The following KDM2B variants were observed in gnomAD, a reference collection of about 807,000 sequenced individuals.
The protein encoded by KDM2B is lysine-specific demethylase 2B.
KDM2B carries 26 observed loss-of-function variants against 150.0 expected under a neutral mutation model. The observed-to-expected ratio is 0.17, with a 90% CI of 0.13 to 0.24. KDM2B has a LOEUF of 0.24. KDM2B is among the 10% of genes least tolerant of loss of function. The probability of loss-of-function intolerance (pLI) is 1.00; values close to 1 mark genes in which losing one functional copy is unlikely to be tolerated. For synonymous variants in KDM2B, 734 were observed against 729.5 expected (o/e 1.01, Z -0.10); for missense variants, 1,265 against 1,816.9 (o/e 0.70, Z 5.52).
intron 12 of KDM2B, among the ~76,000 whole-genome samples, chr12:121,459,486 T>G (rs996035077): frequency 6.6e-6 from 1 of 151,870 alleles, no homozygotes; most frequent in Non-Finnish European, 1.5e-5. Flanking sequence ...TTCTCTGATA[T>G]GACACCAAAA....
At chr12:121,433,352 A>G (rs1436637491) in intron 22 of KDM2B, 1 of 381,320 alleles carries the variant, frequency 2.6e-6, no homozygotes. Context: ...GTGGAGGAAC[A>G]TCACTTTTGT....
Position 121,549,673 on chromosome 12 carries a change from C to A in KDM2B, c.398-35G>T. 2 of 1,519,818 alleles carry A rather than the reference C, an allele frequency of 1.3e-6. No individual in the cohort carries two copies. The highest frequency in any genetic ancestry group is 1.3e-5 in the South Asian group (1 of 77,758). 94.1% of individuals were successfully genotyped at this position (1,519,818 alleles called of 1,614,324 possible). On this transcript the variant is annotated intron_variant, in intron 4 of 22. Transcript: ENST00000377071. This position sits in a 1 kb window ranked among gnomAD's most constrained non-coding sequence, Gnocchi z 4.4. ...GAAGCCACACACTGGTTGTTCCTGC[C>A]GGCTTAAGGCTCCAGATCCTACATG...
chr12:121,440,564 G>A (rs1167407786), intron 21 of KDM2B: 9 of 489,300 alleles, frequency 1.8e-5, no homozygotes, highest in South Asian at 5.6e-5. Flanking sequence ...TGAGACACAC[G>A]CAGAGCCCCA....
chr12:121,517,535 C>T (rs936222509), intron 9 of KDM2B, among the ~76,000 whole-genome samples: 3 of 150,814 alleles, frequency 2.0e-5, no homozygotes, highest in African/African-American at 7.3e-5. Flanking sequence ...GTGGCTCAAT[C>T]TAAGCACACT....
At chr12:121,536,796 T>C (rs1888148146) in intron 6 of KDM2B, among the ~76,000 whole-genome samples, 1 of 152,104 alleles carries the variant, frequency 6.6e-6, no homozygotes, top group African/African-American at 2.4e-5. Flanking sequence ...TGTCGACAGC[T>C]GGAAGCCCGC....
chr12:121,483,826 C>T (rs1882439458), intron 12 of KDM2B, among the ~76,000 whole-genome samples: 1 of 152,038 alleles, frequency 6.6e-6, no homozygotes, highest in African/African-American at 2.4e-5. Flanking sequence ...AATCGGATGG[C>T]ACCAAGGCCC....
chr12:121,575,363 C>T lies in KDM2B; in HGVS notation c.350+418G>A, dbSNP rs1171634087. The stretch of plus-strand genomic sequence containing the variant: ...CAAAGAAAGGGGAGACATTGGCACC[C>T]CAGGAATCTGCATAAGAAACATGTA... On this transcript the variant is annotated intron_variant, in intron 3 of 22. Coordinates refer to ENST00000377071, the MANE Select transcript of KDM2B (RefSeq NM_032590.5). The surrounding 1 kb of genome is among the most constrained non-coding windows in gnomAD (Gnocchi z 4.4). Among the ~76,000 whole-genome samples the T allele has an allele frequency of 6.6e-6, 1 of 152,172 alleles. No homozygotes were observed. The highest frequency in any genetic ancestry group is 6.5e-5 in the Admixed American group (1 of 15,282).
At chr12:121,493,059 C>CTT (rs61628112) in intron 12 of KDM2B, among the ~76,000 whole-genome samples, 1,492 of 54,072 alleles carry the variant, frequency 0.028, 501 homozygotes, top group African/African-American at 0.16. Context: ...TCATGCCTGG[C>CTT]TTTTTTTTTT....
chr12:121,485,996 C>T (rs962976847), intron 12 of KDM2B, among the ~76,000 whole-genome samples: 5 of 151,894 alleles, frequency 3.3e-5, no homozygotes, highest in Non-Finnish European at 7.4e-5. Context: ...AGGCTGATCT[C>T]GAACTCCTGA....
chr12:121,428,725 T>A (rs1157801613), downstream of KDM2B, among the ~76,000 whole-genome samples: 1 of 152,228 alleles, frequency 6.6e-6, no homozygotes, highest in Non-Finnish European at 1.5e-5. Flanking sequence ...TACTTCTCAC[T>A]GGTTTCTGCA....
In KDM2B at chr12:121,513,727, T is replaced by C. The variant is rs1310960918; in HGVS notation, c.1048-325A>G. Among the ~76,000 whole-genome samples, 4 of 152,044 alleles carry C rather than the reference T, an allele frequency of 2.6e-5. No individual in the cohort carries two copies. The highest frequency in any genetic ancestry group is 4.4e-5 in the Non-Finnish European group (3 of 67,990). Reference sequence around the variant, plus strand: ...TCCCCTGACCTGCCTGCAGAGAGTGTGGGCACCTGCAGGTGGGAGCCGCTG... The same window carrying C: ...TCCCCTGACCTGCCTGCAGAGAGTGCGGGCACCTGCAGGTGGGAGCCGCTG... On this transcript the variant is annotated intron_variant, in intron 9 of 22. Coordinates refer to ENST00000377071, the MANE Select transcript of KDM2B (RefSeq NM_032590.5). The surrounding 1 kb of genome is among the most constrained non-coding windows in gnomAD (Gnocchi z 5.0).
intron 12 of KDM2B, among the ~76,000 whole-genome samples, chr12:121,463,491 C>G (rs1879399578): frequency 6.6e-6 from 1 of 152,174 alleles, no homozygotes; most frequent in Non-Finnish European, 1.5e-5. Context: ...TAATTGGTAA[C>G]AATGGTTCTA....
chr12:121,442,142 C>G lies in KDM2B; in HGVS notation c.3284+15G>C, dbSNP rs74913419. 6.2e-7 allele frequency: 1 copy of G among 1,612,216 alleles called. No individual in the cohort carries two copies. Among genetic ancestry groups the G allele is most frequent in the East Asian group, 2.2e-5 (1 of 44,872 alleles). The stretch of plus-strand genomic sequence containing the variant: ...CTGAGCCTTAACCTAGAGCCCTACA[C>G]AGGCCGCCGCTCACCAGCGGTTCCA... On this transcript the variant is annotated intron_variant, in intron 19 of 22. Coordinates refer to ENST00000377071, the MANE Select transcript of KDM2B (RefSeq NM_032590.5). The surrounding 1 kb of genome is among the most constrained non-coding windows in gnomAD (Gnocchi z 7.7).
chr12:121,427,938 A>G (rs1295360488), downstream of KDM2B, among the ~76,000 whole-genome samples: 1 of 152,224 alleles, frequency 6.6e-6, no homozygotes, highest in African/African-American at 2.4e-5. Flanking sequence ...ACTTTACTGG[A>G]TATCAGGGTA....
chr12:121,480,586 A>G (rs1593895439), intron 12 of KDM2B, among the ~76,000 whole-genome samples: 4 of 133,344 alleles, frequency 3.0e-5, no homozygotes, highest in African/African-American at 1.4e-4. Flanking sequence ...TCGCTACCAA[A>G]AAAAAAAAAA....
chr12:121,425,412 A>G (rs781942862), downstream of KDM2B, among the ~76,000 whole-genome samples: 2 of 152,150 alleles, frequency 1.3e-5, no homozygotes, highest in Non-Finnish European at 2.9e-5. Context: ...GTTGAGACCA[A>G]CTGTCATTTC....
chr12:121,419,703 G>T, the KDM2B span, among the ~76,000 whole-genome samples: 2 of 152,164 alleles, frequency 1.3e-5, no homozygotes, highest in African/African-American at 2.4e-5. Context: ...TTTCTAAAGT[G>T]TTCTGATTGA....
In KDM2B at chr12:121,520,806, C is replaced by T. The variant is rs1886615154; in HGVS notation, c.1047+179G>A. ...CCAGGGCCTCCGGGTGTGGCTCCTA[C>T]AGGCATTCCCCTGCCCCCCCTCCCC... On this transcript the variant is annotated intron_variant, in intron 9 of 22. Transcript: ENST00000377071. The surrounding 1 kb of genome is among the most constrained non-coding windows in gnomAD (Gnocchi z 4.5). Among the ~76,000 whole-genome samples, 1 of 152,024 alleles carries T rather than the reference C, an allele frequency of 6.6e-6. No homozygotes were observed. Among genetic ancestry groups the T allele is most frequent in the Non-Finnish European group, 1.5e-5 (1 of 68,014 alleles).
chr12:121,504,904 C>T (rs1297205385), intron 11 of KDM2B, among the ~76,000 whole-genome samples: 1 of 152,090 alleles, frequency 6.6e-6, no homozygotes, highest in Admixed American at 6.5e-5. Context: ...ATCACGAGGT[C>T]AGGAGATCGA....
Sources: gnomAD v4.1 joint callset for allele counts (sites outside exome capture counted in the v4.1 genomes callset) on GRCh38, gnomAD v4.1.1 for gene constraint, Gnocchi (gnomAD v3.1) non-coding constraint, MANE v1.5 for transcripts, NCBI Gene and HGNC (gene_info 2026-07-23, HGNC 2026-07-21) for gene names.